Variants in NSL1 observed in about 807,000 individuals in gnomAD.
NSL1 encodes the protein kinetochore-associated protein NSL1 homolog.
Under a neutral mutation model 25.4 loss-of-function variants are expected in NSL1, and 11 were observed. The ratio of observed to expected loss-of-function variants is 0.43; its 90% CI spans 0.27 to 0.72. NSL1 has a LOEUF of 0.72. Among genes scored for constraint, NSL1 ranks in the 30% least tolerant of loss-of-function variants. The pLI, the probability that NSL1 is intolerant of heterozygous loss-of-function variation, is 0.19. For missense variants in NSL1, 330 were observed against 342.7 expected (o/e 0.96, Z 0.29); for synonymous variants, 118 against 120.6 (o/e 0.98, Z 0.14).
rs1454130150 is a variant in NSL1 at position 212,727,563 on chromosome 1, C to A, written c.*10845G>T. The A allele has an allele frequency of 8.1e-6, 8 of 985,302 alleles. No homozygotes were observed. The highest frequency in any genetic ancestry group is 9.6e-6 in the Non-Finnish European group (8 of 829,914). 61.0% of individuals were successfully genotyped at this position (985,302 alleles called of 1,614,324 possible). A position where few individuals can be genotyped will look rare whatever the true frequency, so the allele number is the denominator to read the frequency against. On this transcript the variant is annotated 3_prime_UTR_variant, in exon 6 of 6. Transcript: ENST00000366977. Reference sequence around the variant, plus strand: ...CAATGAATTAGACGTGTGCCACATACTTCTCTCAAAAACTTTATGACTCAG... The same window carrying A: ...CAATGAATTAGACGTGTGCCACATAATTCTCTCAAAAACTTTATGACTCAG...
At position 212,763,552 on chromosome 1, in the gene NSL1, T is replaced by C. The variant is rs1659668549; in HGVS notation, c.499+18820A>G. On this transcript the variant is annotated intron_variant, in intron 4 of 5. Transcript: ENST00000366977. ...GTCATCAAGAGACTCACCTAACATA[T>C]AAGGACTCATAAAAATTTAAGGTAA... Among the ~76,000 whole-genome samples, 4 of 151,880 alleles carry C rather than the reference T, an allele frequency of 2.6e-5. No individual in the cohort carries two copies. The South Asian group carries it at 8.3e-4, about 32-fold the overall frequency.
chr1:212,752,710 G>C (rs1659122472), intron 4 of NSL1, among the ~76,000 whole-genome samples: 1 of 152,092 alleles, frequency 6.6e-6, no homozygotes, highest in Non-Finnish European at 1.5e-5. Context: ...TTAAAAATGT[G>C]GAAGTTAGGC....
In NSL1 at chr1:212,787,540, G is replaced by A; in HGVS notation, c.313+19C>T. 1 of 1,549,950 alleles carries A rather than the reference G, an allele frequency of 6.5e-7. No individual in the cohort carries two copies. The highest frequency in any genetic ancestry group is 8.7e-7 in the Non-Finnish European group (1 of 1,146,096). ...AAAAATAACCCAGAAATTAATAATG[G>A]AAGGAAAAAGTCACATACCCATAAA... On this transcript the variant is annotated intron_variant, in intron 2 of 5. Transcript: ENST00000366977.
At position 212,732,376 on chromosome 1, in the gene NSL1, G is replaced by A. The variant is rs1332820472; in HGVS notation, c.*6032C>T. ...TGCCCAGGCTGGAGTGCGATGGCGT[G>A]ATCTTGGCTCACTGCAACCTCTGCC... On this transcript the variant is annotated 3_prime_UTR_variant, in exon 6 of 6. Transcript: ENST00000366977. 2 of 640,374 alleles carry A rather than the reference G, an allele frequency of 3.1e-6. No homozygotes were observed. The highest frequency in any genetic ancestry group is 3.9e-6 in the Non-Finnish European group (2 of 517,176). The allele number at this position is 640,374 out of a possible 1,614,324, so 39.7% of individuals were successfully genotyped here.
intron 4 of NSL1, among the ~76,000 whole-genome samples, chr1:212,753,254 C>T (rs1363419776): frequency 2.0e-5 from 3 of 151,984 alleles, no homozygotes; most frequent in African/African-American, 4.8e-5. Flanking sequence ...GACCCTCGCT[C>T]GTTATTATCT....
At chr1:212,790,726 T>C (rs991926678) in intron 1 of NSL1, among the ~76,000 whole-genome samples, 15 of 151,868 alleles carry the variant, frequency 9.9e-5, no homozygotes, top group Non-Finnish European at 1.9e-4. Flanking sequence ...ATCGAGACCA[T>C]GCTGGCTAAC....
intron 4 of NSL1, among the ~76,000 whole-genome samples, chr1:212,774,752 T>C (rs572372361): frequency 9.2e-5 from 14 of 152,280 alleles, no homozygotes; most frequent in African/African-American, 3.1e-4. Flanking sequence ...TGCAGGCACT[T>C]TAGAAAACAG....
chr1:212,749,348 T>G lies in NSL1; in HGVS notation c.500-9747A>C, dbSNP rs998794019. ...TTTTGCGTTTTATTGTGTTTTTTTTTTTTTTTTTTTTTTTGAGACAGGGTC... is the reference window on the plus strand; with the variant it reads ...TTTTGCGTTTTATTGTGTTTTTTTTGTTTTTTTTTTTTTTGAGACAGGGTC... On this transcript the variant is annotated intron_variant, in intron 4 of 5. Coordinates refer to ENST00000366977, the MANE Select transcript of NSL1 (RefSeq NM_015471.4). Among the ~76,000 whole-genome samples the G allele has an allele frequency of 3.0e-3, 427 of 143,956 alleles. 2 individuals are homozygous for G. The highest frequency in any genetic ancestry group is 1.0e-2 in the African/African-American group (390 of 39,080). 94.4% of individuals were successfully genotyped at this position (143,956 alleles called of 152,430 possible). A position where few individuals can be genotyped will look rare whatever the true frequency, so the allele number is the denominator to read the frequency against.
At chr1:212,754,499 C>T (rs957794585) in intron 4 of NSL1, among the ~76,000 whole-genome samples, 2 of 151,994 alleles carry the variant, frequency 1.3e-5, no homozygotes, top group African/African-American at 2.4e-5. Context: ...CTAACCAGCC[C>T]GGCGCGGTGG....
At chr1:212,748,517 CACA>C (rs943587038) in intron 4 of NSL1, among the ~76,000 whole-genome samples, 5 of 152,220 alleles carry the variant, frequency 3.3e-5, no homozygotes, top group African/African-American at 7.2e-5. Context: ...TGGAATACTA[CACA>C]ACAATAACAA....
chr1:212,749,472 A>G (rs1658966781), intron 4 of NSL1, among the ~76,000 whole-genome samples: 1 of 150,858 alleles, frequency 6.6e-6, no homozygotes, highest in East Asian at 2.0e-4. Flanking sequence ...CCCAGGCCGG[A>G]GTGCAGTGGC....
At position 212,731,180 on chromosome 1, in the gene NSL1, A is replaced by T. The variant is rs1327172051; in HGVS notation, c.*7228T>A. The T allele has an allele frequency of 1.2e-6, 1 of 841,644 alleles. No individual in the cohort carries two copies. The highest frequency in any genetic ancestry group is 1.4e-6 in the Non-Finnish European group (1 of 726,182). 52.1% of individuals were successfully genotyped at this position (841,644 alleles called of 1,614,324 possible). ...ATCTATTTGCAAAACAAATGGTCAG[A>T]GGGGAGAAAAAAAAAAAAACCTGAA... On this transcript the variant is annotated 3_prime_UTR_variant, in exon 6 of 6. Coordinates refer to ENST00000366977, the MANE Select transcript of NSL1 (RefSeq NM_015471.4).
chr1:212,756,656 T>C (rs2501838), intron 4 of NSL1, among the ~76,000 whole-genome samples: 138,534 of 152,018 alleles, frequency 0.91, 63,112 homozygotes, highest in Admixed American at 0.94. Flanking sequence ...CTTGTCTCTA[T>C]TAAATATGCA....
chr1:212,767,740 C>G (rs78774228), intron 4 of NSL1, among the ~76,000 whole-genome samples: 1 of 151,966 alleles, frequency 6.6e-6, no homozygotes, highest in Non-Finnish European at 1.5e-5. Flanking sequence ...AACAAATAGT[C>G]CCATCAAAAA....
intron 4 of NSL1, among the ~76,000 whole-genome samples, chr1:212,743,459 G>C (rs1315056074): frequency 4.2e-5 from 6 of 142,592 alleles, no homozygotes; most frequent in Admixed American, 2.1e-4. Context: ...CACAGCGCCT[G>C]GCTTATTTGT....
At chr1:212,739,429 T>G in intron 5 of NSL1, 105 bp downstream of exon 5, 6 of 984,004 alleles carry the variant, frequency 6.1e-6, no homozygotes, top group Middle Eastern at 2.2e-4. Flanking sequence ...AAAGGACCGC[T>G]GAGAATTCCT....
chr1:212,770,923 C>T (rs1350202197), intron 4 of NSL1, among the ~76,000 whole-genome samples: 2 of 152,146 alleles, frequency 1.3e-5, no homozygotes, highest in African/African-American at 4.8e-5. Flanking sequence ...GAGTGTGATA[C>T]ATCACATCAA....
At position 212,733,433 on chromosome 1, in the gene NSL1, CAAA is replaced by C. The variant is rs140675222; in HGVS notation, c.*4972_*4974del. ...GGCAACACAGCAAGACCTTGTTTCA[CAAA>C]AAAAAAAAAAAAAAAATCCCATACC... On this transcript the variant is annotated 3_prime_UTR_variant, in exon 6 of 6. Transcript: ENST00000366977. Among the ~76,000 whole-genome samples, 189 of 135,860 alleles carry C rather than the reference CAAA, an allele frequency of 1.4e-3. 1 individual carries two copies. The highest frequency in any genetic ancestry group is 5.6e-3 in the East Asian group (26 of 4,670). The allele number at this position is 135,860 out of a possible 152,430, so 89.1% of individuals were successfully genotyped here.
Position 212,729,962 on chromosome 1 carries a change from T to G in NSL1, c.*8446A>C. Reference sequence around the variant, plus strand: ...CCGGAAGGATTTTTTTTTTTAAGAATGAAATGGGCCGGGCGTGGCGGCTCA... The same window carrying G: ...CCGGAAGGATTTTTTTTTTTAAGAAGGAAATGGGCCGGGCGTGGCGGCTCA... On this transcript the variant is annotated 3_prime_UTR_variant, in exon 6 of 6. Coordinates refer to ENST00000366977, the MANE Select transcript of NSL1 (RefSeq NM_015471.4). 1 of 982,392 alleles carries G rather than the reference T, an allele frequency of 1.0e-6. No homozygotes were observed. The highest frequency in any genetic ancestry group is 1.2e-6 in the Non-Finnish European group (1 of 827,956). The allele number at this position is 982,392 out of a possible 1,614,324, so 60.9% of individuals were successfully genotyped here.
Sources: allele counts gnomAD v4.1 joint callset (sites outside exome capture counted in the v4.1 genomes callset), GRCh38; gene constraint gnomAD v4.1.1; transcripts MANE v1.5; gene names NCBI Gene and HGNC (gene_info 2026-07-23, HGNC 2026-07-21).